The following SOCS2 variants were observed in gnomAD, a reference collection of about 807,000 sequenced individuals.
SOCS2 encodes suppressor of cytokine signaling 2.
In SOCS2, 10 loss-of-function variants were observed where a neutral mutation model predicts 18.6. The ratio of observed to expected loss-of-function variants is 0.54; its 90% CI spans 0.33 to 0.91. The LOEUF is 0.91. Among genes scored for constraint, SOCS2 ranks in the 40% least tolerant of loss-of-function variants. The pLI, the probability that SOCS2 is intolerant of heterozygous loss-of-function variation, is 0.02. For synonymous variants in SOCS2, 104 were observed against 104.0 expected (o/e 1.00, Z 0.00); for missense variants, 231 against 247.2 (o/e 0.93, Z 0.44).
downstream of SOCS2, among the ~76,000 whole-genome samples, chr12:93,578,001 C>T (rs967851619): frequency 6.6e-6 from 1 of 152,176 alleles, no homozygotes; most frequent in African/African-American, 2.4e-5. Context: ...GTATACAAGA[C>T]TTATATATCC....
chr12:93,616,902 G>C, the SOCS2 span, among the ~76,000 whole-genome samples: 7 of 152,104 alleles, frequency 4.6e-5, no homozygotes, highest in African/African-American at 2.4e-5. Context: ...AAACCTTTTG[G>C]TCTGGACCTG....
At chr12:93,580,636 A>AG (rs1326350692), downstream of SOCS2, among the ~76,000 whole-genome samples, 11 of 151,616 alleles carry the variant, frequency 7.3e-5, no homozygotes, top group Non-Finnish European at 1.3e-4. Context: ...AAAAAAAAAA[A>AG]AAAAGAAAAG....
the SOCS2 span, among the ~76,000 whole-genome samples, chr12:93,615,768 G>A: frequency 1.3e-5 from 2 of 152,268 alleles, no homozygotes; most frequent in African/African-American, 4.8e-5. Flanking sequence ...GCTAATTTTT[G>A]TATTTTTAGT....
At chr12:93,614,541 T>TTTCTTTCTTTCTTTCTCTCTTTCTC in the SOCS2 span, among the ~76,000 whole-genome samples, 1 of 29,370 alleles carries the variant, frequency 3.4e-5, no homozygotes, top group East Asian at 1.5e-3. Flanking sequence ...CCTTCCTTCC[T>TTTCTTTCTTTCTTTCTCTCTTTCTC]TCTTTCTTTC....
the SOCS2 span, among the ~76,000 whole-genome samples, chr12:93,620,945 C>A: frequency 6.6e-6 from 1 of 152,164 alleles, no homozygotes; most frequent in African/African-American, 2.4e-5. Context: ...TCTATCCATT[C>A]GTCCAGCCAT....
At chr12:93,622,319 T>A in the SOCS2 span, among the ~76,000 whole-genome samples, 1 of 152,158 alleles carries the variant, frequency 6.6e-6, no homozygotes, top group African/African-American at 2.4e-5. Context: ...AGAATTTATA[T>A]CTCAATTAAG....
the SOCS2 span, among the ~76,000 whole-genome samples, chr12:93,594,668 G>C: frequency 1.3e-5 from 2 of 151,872 alleles, no homozygotes; most frequent in African/African-American, 2.4e-5. Context: ...ATTTATTGTA[G>C]AGAACTCTGT....
chr12:93,599,471 T>C, the SOCS2 span, among the ~76,000 whole-genome samples: 7 of 152,218 alleles, frequency 4.6e-5, no homozygotes, highest in Non-Finnish European at 4.4e-5. Context: ...CTGTTTATTC[T>C]TTTTGAGTTA....
At chr12:93,577,027 C>T (rs1954476192), downstream of SOCS2, among the ~76,000 whole-genome samples, 1 of 152,286 alleles carries the variant, frequency 6.6e-6, no homozygotes, top group South Asian at 2.1e-4. Flanking sequence ...ATTTTTCTGG[C>T]AAAACTTCTA....
chr12:93,581,906 T>A (rs1954545725), intron 1 of SOCS2, among the ~76,000 whole-genome samples: 2 of 152,144 alleles, frequency 1.3e-5, no homozygotes, highest in South Asian at 4.1e-4. Context: ...CCTGATGAGG[T>A]ATGTATGACC....
At chr12:93,584,587 G>A (rs1954572437), downstream of SOCS2, among the ~76,000 whole-genome samples, 1 of 152,130 alleles carries the variant, frequency 6.6e-6, no homozygotes, top group Non-Finnish European at 1.5e-5. Flanking sequence ...CTAGTCACAT[G>A]TAGGTAATAT....
At chr12:93,582,211 C>G (rs944129951) in intron 1 of SOCS2, among the ~76,000 whole-genome samples, 1 of 152,062 alleles carries the variant, frequency 6.6e-6, no homozygotes, top group Non-Finnish European at 1.5e-5. Context: ...TGGGGAAGAT[C>G]TTTTGGCTGA....
the SOCS2 span, among the ~76,000 whole-genome samples, chr12:93,621,417 G>A: frequency 6.6e-6 from 1 of 152,180 alleles, no homozygotes; most frequent in African/African-American, 2.4e-5. Flanking sequence ...CAGATTGCCT[G>A]GGTCTAGGTT....
the SOCS2 span, among the ~76,000 whole-genome samples, chr12:93,619,739 C>T: frequency 0.057 from 8,662 of 152,204 alleles, 603 homozygotes; most frequent in African/African-American, 0.17. Flanking sequence ...CCTTGCATTA[C>T]ACTAAACATA....
chr12:93,574,848 C>T lies in SOCS2; in HGVS notation c.266C>T (p.Ser89Leu), dbSNP rs1371954774. ...CTACTAACAATATCTGTTAAAACAT[C>T]AGCTGGACCAACTAATCTTCGAATC... ...DYLLTISVKT[S>L]AGPTNLRIEY... Residue 89 changes from serine (S) to leucine (L), a missense_variant, in exon 2 of 2, where the codon TCA becomes TTA. Physicochemically the swap from Ser to Leu is moderately radical, Grantham distance 145 (BLOSUM62 -2). Transcript: ENST00000551556. 1.2e-6 allele frequency: 2 copies of T among 1,614,164 alleles called. No homozygotes were observed. Among genetic ancestry groups the T allele is most frequent in the Middle Eastern group, 3.3e-4 (2 of 6,062 alleles).
chr12:93,612,594 AG>A, the SOCS2 span, among the ~76,000 whole-genome samples: 26 of 152,332 alleles, frequency 1.7e-4, no homozygotes, highest in East Asian at 5.0e-3. Context: ...TCTCTGTCTC[AG>A]AATCATCTTC....
the SOCS2 span, among the ~76,000 whole-genome samples, chr12:93,614,635 T>TTTGTTTCTTTC: frequency 1.6e-3 from 183 of 111,674 alleles, 14 homozygotes; most frequent in Middle Eastern, 0.017. Flanking sequence ...TTCTTTCTTT[T>TTTGTTTCTTTC]GATGGAGTCT....
chr12:93,590,735 G>A, the SOCS2 span, among the ~76,000 whole-genome samples: 1 of 127,234 alleles, frequency 7.9e-6, no homozygotes, highest in African/African-American at 3.0e-5. Context: ...GCAGAGCCGA[G>A]ATGGCGCCAC....
the SOCS2 span, among the ~76,000 whole-genome samples, chr12:93,610,920 GAC>G: frequency 1.3e-5 from 2 of 152,154 alleles, no homozygotes; most frequent in Non-Finnish European, 2.9e-5. Flanking sequence ...AATGGACTAA[GAC>G]ACACTTTCAC....
Sources: allele counts gnomAD v4.1 joint callset (sites outside exome capture counted in the v4.1 genomes callset), GRCh38; gene constraint gnomAD v4.1.1; transcripts MANE v1.5; gene names NCBI Gene and HGNC (gene_info 2026-07-23, HGNC 2026-07-21).